Variants in MCC observed in about 807,000 individuals in gnomAD.
The protein encoded by MCC is colorectal mutant cancer protein.
A neutral mutation model predicts 116.2 loss-of-function variants in MCC; 90 were observed. That is an observed-to-expected ratio of 0.77 (90% CI 0.65 to 0.92). The LOEUF (loss-of-function observed/expected upper bound fraction) is 0.92. MCC is among the 40% of genes least tolerant of loss of function. The pLI is 0.00. For missense variants in MCC, 1,516 were observed against 1,312.2 expected, an observed-to-expected ratio of 1.16 and a Z score of -2.40; for synonymous variants, 578 against 510.5, an observed-to-expected ratio of 1.13 and a Z score of -1.78.
intron 11 of MCC, among the ~76,000 whole-genome samples, chr5:113,074,059 C>G (rs1033865805): frequency 2.6e-5 from 4 of 152,200 alleles, no homozygotes; most frequent in African/African-American, 9.7e-5. Context: ...AGTTTGAGCT[C>G]TGAGAATGGA....
At chr5:113,069,420 G>T (rs1381547409) in intron 12 of MCC, among the ~76,000 whole-genome samples, 1 of 152,224 alleles carries the variant, frequency 6.6e-6, no homozygotes, top group African/African-American at 2.4e-5. Flanking sequence ...CACAAGAGGA[G>T]GTGGAACATG....
At chr5:113,110,889 C>T (rs950494713) in intron 6 of MCC, among the ~76,000 whole-genome samples, 1 of 152,102 alleles carries the variant, frequency 6.6e-6, no homozygotes, top group East Asian at 1.9e-4. Context: ...ATGAGAAGAT[C>T]TGGCAATGCG....
Position 113,217,484 on chromosome 5 carries a change from T to G in MCC, c.628-66062A>C, listed in dbSNP as rs1763368538. 2.7e-5 allele frequency among the ~76,000 whole-genome samples: 4 copies of G among 150,164 alleles called. No homozygotes were observed. In the South Asian group the frequency reaches 8.3e-4, roughly 31 times the overall value. On this transcript the variant is annotated intron_variant, in intron 3 of 18. Coordinates refer to ENST00000408903, the MANE Select transcript of MCC (RefSeq NM_001085377.2). ...CTAATGTACATACAAAACTTCATCTTTCTTTAAAGGTAAGTACATGGGGGC... is the reference window on the plus strand; with the variant it reads ...CTAATGTACATACAAAACTTCATCTGTCTTTAAAGGTAAGTACATGGGGGC...
chr5:113,057,710 G>A lies in MCC; in HGVS notation c.2214-3751C>T, dbSNP rs532283559. Among the ~76,000 whole-genome samples the A allele has an allele frequency of 4.6e-5, 7 of 152,352 alleles. No individual in the cohort carries two copies. The South Asian group carries it at 8.3e-4, about 18-fold the overall frequency. ...CCTGTCTGCCTGCAACCTGCTCAGC[G>A]GCAGGCATGCCTCGTACAAAACCCC... On this transcript the variant is annotated intron_variant, in intron 14 of 18. Coordinates refer to ENST00000408903, the MANE Select transcript of MCC (RefSeq NM_001085377.2).
chr5:113,402,313 A>T (rs1421287832), intron 1 of MCC, among the ~76,000 whole-genome samples: 4 of 143,092 alleles, frequency 2.8e-5, no homozygotes, highest in Non-Finnish European at 4.6e-5. Flanking sequence ...AAAAAAAAAC[A>T]CACTCAGCTA....
chr5:113,414,471 A>T (rs2150404243), intron 1 of MCC, among the ~76,000 whole-genome samples: 1 of 152,296 alleles, frequency 6.6e-6, no homozygotes, highest in East Asian at 1.9e-4. Context: ...GTGCATATAT[A>T]TTTAGGACAG....
At chr5:113,062,965 T>TA (rs1253571475) in intron 14 of MCC, among the ~76,000 whole-genome samples, 1 of 152,214 alleles carries the variant, frequency 6.6e-6, no homozygotes, top group African/African-American at 2.4e-5. Context: ...TCTGGTCACT[T>TA]AGTCTGCAAG....
At chr5:113,383,229 G>A (rs574466036) in intron 2 of MCC, among the ~76,000 whole-genome samples, 5 of 152,044 alleles carry the variant, frequency 3.3e-5, no homozygotes, top group African/African-American at 1.2e-4. Context: ...TTATTGGTTG[G>A]GGTGTTCCAC....
intron 2 of MCC, among the ~76,000 whole-genome samples, chr5:113,341,256 G>A (rs1286304810): frequency 6.7e-6 from 1 of 150,190 alleles, no homozygotes; most frequent in Non-Finnish European, 1.5e-5. Flanking sequence ...TTGAGGCAGG[G>A]TCTTGTTCTG....
At chr5:113,283,737 C>T (rs1289662460) in intron 3 of MCC, among the ~76,000 whole-genome samples, 4 of 152,188 alleles carry the variant, frequency 2.6e-5, no homozygotes, top group Admixed American at 2.0e-4. Context: ...AGAGCAATTA[C>T]AACACACCCT....
At chr5:113,248,072 G>A (rs1002491255) in intron 3 of MCC, among the ~76,000 whole-genome samples, 2 of 151,902 alleles carry the variant, frequency 1.3e-5, no homozygotes, top group African/African-American at 4.8e-5. Context: ...GGCAGAGAAG[G>A]AAAAGCCTCA....
At chr5:113,057,776 C>T (rs185117246) in intron 14 of MCC, among the ~76,000 whole-genome samples, 4 of 152,392 alleles carry the variant, frequency 2.6e-5, no homozygotes, top group Non-Finnish European at 5.9e-5. Context: ...ATCATCAACA[C>T]TGATGTGGAG....
intron 16 of MCC, among the ~76,000 whole-genome samples, chr5:113,046,120 A>G (rs964963616): frequency 2.6e-5 from 4 of 152,294 alleles, no homozygotes; most frequent in Admixed American, 2.6e-4. Flanking sequence ...CCTGAAAAAC[A>G]CAACATACTC....
intron 3 of MCC, among the ~76,000 whole-genome samples, chr5:113,202,598 AT>A (rs1762731101): frequency 1.3e-5 from 2 of 152,170 alleles, no homozygotes; most frequent in Admixed American, 1.3e-4. Context: ...ACACACGCTT[AT>A]ACACACATGG....
intron 3 of MCC, among the ~76,000 whole-genome samples, chr5:113,211,975 AT>A (rs1219115309): frequency 6.6e-6 from 1 of 152,196 alleles, no homozygotes; most frequent in African/African-American, 2.4e-5. Context: ...AGTACCTCTA[AT>A]TTTCAAACAC....
intron 2 of MCC, among the ~76,000 whole-genome samples, chr5:113,364,032 G>A (rs1238481032): frequency 1.3e-5 from 2 of 152,008 alleles, no homozygotes; most frequent in African/African-American, 4.8e-5. Flanking sequence ...AGGAATTCAA[G>A]ACCAGCCTGG....
chr5:113,177,946 G>T (rs1274002137), intron 3 of MCC, among the ~76,000 whole-genome samples: 1 of 152,058 alleles, frequency 6.6e-6, no homozygotes, highest in Non-Finnish European at 1.5e-5. Context: ...TTCGAATTAC[G>T]AAAGAATTTT....
chr5:113,066,124 G>T (rs1186889063), intron 13 of MCC, among the ~76,000 whole-genome samples: 2 of 152,242 alleles, frequency 1.3e-5, no homozygotes, highest in East Asian at 1.9e-4. Flanking sequence ...TAAATACAAA[G>T]CATTTCATTA....
intron 2 of MCC, among the ~76,000 whole-genome samples, chr5:113,347,708 A>G (rs1768167516): frequency 6.6e-6 from 1 of 152,136 alleles, no homozygotes; most frequent in Admixed American, 6.5e-5. Context: ...ACAAAATGGC[A>G]AGAGTAAGTC....
Sources: gnomAD v4.1 joint callset for allele counts (sites outside exome capture counted in the v4.1 genomes callset) on GRCh38, gnomAD v4.1.1 for gene constraint, MANE v1.5 for transcripts, NCBI Gene and HGNC (gene_info 2026-07-23, HGNC 2026-07-21) for gene names.